ANKRD6: variants seen among roughly 807,000 people sequenced by gnomAD.
ANKRD6 encodes the protein ankyrin repeat domain 6, also known as ankyrin repeat domain-containing protein 6.
ANKRD6 carries 56 observed loss-of-function variants against 82.3 expected under a neutral mutation model. The observed-to-expected ratio is 0.68, with a 90% CI of 0.55 to 0.85. The LOEUF is 0.85. Ranked by LOEUF, ANKRD6 falls within the 40% of genes least tolerant of loss-of-function variation. The pLI is 0.00. For synonymous variants in ANKRD6, 347 were observed against 352.1 expected (o/e 0.99, Z 0.16); for missense variants, 852 against 907.6 (o/e 0.94, Z 0.79).
rs184572889 is a variant in ANKRD6, at chr6:89,555,718, G to T, written c.-143-11116G>T. On this transcript the variant is annotated intron_variant, in intron 1 of 15. Transcript: ENST00000339746. ...GCCAAGCTAGGGTGCAGGATGCAGC[G>T]GGGGAGAGGTATCAGAAGAAAAGGT... Among the ~76,000 whole-genome samples, 353 of 152,220 alleles carry T rather than the reference G, an allele frequency of 2.3e-3. 1 individual carries two copies. The highest frequency in any genetic ancestry group is 8.2e-3 in the African/African-American group (342 of 41,508).
intron 2 of ANKRD6, among the ~76,000 whole-genome samples, chr6:89,588,955 T>C (rs1327697210): frequency 1.5e-5 from 2 of 132,274 alleles, no homozygotes; most frequent in Non-Finnish European, 3.0e-5. Context: ...ATTGCGCCAC[T>C]GCACTCCAGC....
chr6:89,627,101 GTCTC>G (rs1024932035), intron 13 of ANKRD6, among the ~76,000 whole-genome samples: 19 of 150,512 alleles, frequency 1.3e-4, no homozygotes, highest in Non-Finnish European at 1.6e-4. Context: ...GATATTCAGA[GTCTC>G]TCTCTCTTTT....
chr6:89,527,623 A>AG (rs1271513971), intron 1 of ANKRD6, among the ~76,000 whole-genome samples: 2 of 150,266 alleles, frequency 1.3e-5, no homozygotes, highest in African/African-American at 4.9e-5. Context: ...AAAAAAAAAA[A>AG]AAAGAAAAAG....
intron 1 of ANKRD6, among the ~76,000 whole-genome samples, chr6:89,454,903 C>T (rs984753956): frequency 1.2e-4 from 18 of 152,244 alleles, no homozygotes; most frequent in Non-Finnish European, 1.8e-4. Flanking sequence ...AGCAGTGGTG[C>T]GATCTCAGCT....
rs769606444 is a variant in ANKRD6 at position 89,630,901 on chromosome 6, C to G, written c.2081C>G (p.Ala694Gly). ...ERKIEEARSQ[A>G]NQKAQQDKAT... ...AAGATTGAAGAAGCACGAAGCCAAG[C>G]CAATCAGAAAGCCCAGCAAGATAAG... Residue 694 changes from alanine (A) to glycine (G), a missense_variant, in exon 16 of 16, where the codon GCC (alanine) becomes GGC (glycine). Physicochemically the swap from Ala to Gly is moderately conservative, Grantham distance 60. Transcript: ENST00000339746. The G allele has an allele frequency of 1.2e-6, 2 of 1,612,808 alleles. No individual in the cohort carries two copies. Among genetic ancestry groups the G allele is most frequent in the Admixed American group, 3.3e-5 (2 of 59,852 alleles).
intron 1 of ANKRD6, among the ~76,000 whole-genome samples, chr6:89,500,038 T>G (rs1779090303): frequency 6.6e-6 from 1 of 152,200 alleles, no homozygotes. Flanking sequence ...CTCTCCAGAT[T>G]CCATCACACC....
intron 1 of ANKRD6, among the ~76,000 whole-genome samples, chr6:89,482,085 T>C (rs927199521): frequency 1.3e-5 from 2 of 152,260 alleles, no homozygotes; most frequent in Non-Finnish European, 2.9e-5. Flanking sequence ...AGGCACTTCC[T>C]AGGAACTCCT....
At chr6:89,475,099 T>C (rs978388717) in intron 1 of ANKRD6, among the ~76,000 whole-genome samples, 1 of 152,174 alleles carries the variant, frequency 6.6e-6, no homozygotes, top group Admixed American at 6.5e-5. Context: ...TTTTGGACTT[T>C]GGGTCAACCA....
chr6:89,627,717 G>T, intron 14 of ANKRD6, 21 bp downstream of exon 14: 1 of 1,609,812 alleles, frequency 6.2e-7, no homozygotes, highest in Non-Finnish European at 8.5e-7. Flanking sequence ...GCATCTGCTA[G>T]TCCTTAACTT....
intron 1 of ANKRD6, among the ~76,000 whole-genome samples, chr6:89,435,543 A>C (rs190818677): frequency 6.6e-6 from 1 of 152,314 alleles, no homozygotes; most frequent in African/African-American, 2.4e-5. Context: ...TGAGGGTAAG[A>C]TACAAACCAC....
At chr6:89,589,491 T>C (rs6939321) in intron 2 of ANKRD6, among the ~76,000 whole-genome samples, 148,379 of 152,294 alleles carry the variant, frequency 0.97, 72,390 homozygotes, top group East Asian at 1. Context: ...TTCTTTTAAG[T>C]GGATTACCTT....
chr6:89,575,715 C>T (rs1228612500), intron 2 of ANKRD6, among the ~76,000 whole-genome samples: 2 of 152,098 alleles, frequency 1.3e-5, no homozygotes, highest in African/African-American at 2.4e-5. Context: ...ATATGGTTTC[C>T]CTTGAGAGGA....
chr6:89,455,092 C>T (rs1005203418), intron 1 of ANKRD6, among the ~76,000 whole-genome samples: 2 of 151,570 alleles, frequency 1.3e-5, no homozygotes, highest in Non-Finnish European at 2.9e-5. Flanking sequence ...GATCTGCCCA[C>T]CTTGGTCTCC....
At chr6:89,630,090 C>T (rs577858674) in intron 15 of ANKRD6, among the ~76,000 whole-genome samples, 3 of 152,240 alleles carry the variant, frequency 2.0e-5, no homozygotes, top group Non-Finnish European at 2.9e-5. Context: ...ACTTGGTGAG[C>T]GGCATCATCC....
intron 8 of ANKRD6, among the ~76,000 whole-genome samples, chr6:89,617,700 C>T (rs1332444329): frequency 6.6e-6 from 1 of 152,226 alleles, no homozygotes; most frequent in East Asian, 1.9e-4. Flanking sequence ...ACTTCTTGCC[C>T]CCTTGGTCTG....
At chr6:89,483,906 G>C (rs1562606885) in intron 1 of ANKRD6, among the ~76,000 whole-genome samples, 2 of 150,346 alleles carry the variant, frequency 1.3e-5, no homozygotes, top group Non-Finnish European at 3.0e-5. Context: ...CTCTCTCTCT[G>C]TCTCTCTCTC....
intron 1 of ANKRD6, among the ~76,000 whole-genome samples, chr6:89,531,906 C>T (rs1377185452): frequency 6.6e-6 from 1 of 152,160 alleles, no homozygotes; most frequent in African/African-American, 2.4e-5. Flanking sequence ...ATGCTGGAAA[C>T]CCAGAAGAGT....
intron 1 of ANKRD6, among the ~76,000 whole-genome samples, chr6:89,485,528 G>A (rs1254820893): frequency 6.6e-6 from 1 of 152,208 alleles, no homozygotes; most frequent in Non-Finnish European, 1.5e-5. Context: ...CCAAGGCCCT[G>A]GGCTTTTCTG....
chr6:89,572,139 G>A (rs1194906656), intron 2 of ANKRD6, among the ~76,000 whole-genome samples: 2 of 152,250 alleles, frequency 1.3e-5, no homozygotes, highest in Non-Finnish European at 1.5e-5. Context: ...ATCTTCCGTT[G>A]TATGGATATA....
Sources: gnomAD v4.1 joint callset for allele counts (sites outside exome capture counted in the v4.1 genomes callset) on GRCh38, gnomAD v4.1.1 for gene constraint, MANE v1.5 for transcripts, NCBI Gene and HGNC (gene_info 2026-07-23, HGNC 2026-07-21) for gene names.